Variants in COL26A1 observed in about 807,000 individuals in gnomAD.
The protein encoded by COL26A1 is collagen type XXVI alpha 1 chain, also known as collagen alpha-1(XXVI) chain.
A neutral mutation model predicts 59.3 loss-of-function variants in COL26A1; 41 were observed. The observed-to-expected ratio is 0.69, with a 90% CI of 0.54 to 0.90. The LOEUF (loss-of-function observed/expected upper bound fraction) is 0.90, where lower values mean the gene tolerates loss of function less well. Among genes scored for constraint, COL26A1 ranks in the 40% least tolerant of loss-of-function variants. The pLI, the probability that COL26A1 is intolerant of heterozygous loss-of-function variation, is 0.00. For synonymous variants in COL26A1, 266 were observed against 256.0 expected (o/e 1.04, Z -0.37); for missense variants, 612 against 602.3 (o/e 1.02, Z -0.17).
intron 3 of COL26A1, among the ~76,000 whole-genome samples, chr7:101,481,658 G>A (rs1022884716): frequency 3.3e-5 from 5 of 151,384 alleles, no homozygotes; most frequent in East Asian, 3.9e-4. Flanking sequence ...GCTATGTTGC[G>A]CAGGCTTGAC....
intron 3 of COL26A1, among the ~76,000 whole-genome samples, chr7:101,525,214 C>T (rs1388285455): frequency 8.8e-6 from 1 of 113,662 alleles, no homozygotes; most frequent in Non-Finnish European, 1.6e-5. Flanking sequence ...CAGAGTCTTG[C>T]TCTGTCACCC....
At position 101,423,140 on chromosome 7, in the gene COL26A1, C is replaced by A. The variant is rs575362772; in HGVS notation, c.281+3041C>A. On this transcript the variant is annotated intron_variant, in intron 2 of 12. Transcript: ENST00000313669. ...ATTAGCCAGGTGTGGTGGTGAGCAC[C>A]CGTAATCCCAGTTATTCAGGAGGCT... Among the ~76,000 whole-genome samples the A allele has an allele frequency of 4.6e-5, 7 of 152,128 alleles. No homozygotes were observed. The East Asian group carries it at 1.4e-3, about 30-fold the overall frequency.
intron 1 of COL26A1, among the ~76,000 whole-genome samples, chr7:101,368,288 C>T (rs1791097343): frequency 6.6e-6 from 1 of 152,168 alleles, no homozygotes; most frequent in African/African-American, 2.4e-5. Flanking sequence ...GTGATCATTG[C>T]GTATGTCATT....
chr7:101,452,222 A>C (rs1793356778), intron 3 of COL26A1, among the ~76,000 whole-genome samples: 1 of 152,144 alleles, frequency 6.6e-6, no homozygotes, highest in Non-Finnish European at 1.5e-5. Context: ...CTCTTCTTGC[A>C]GACTGAGTGG....
At chr7:101,466,475 G>A (rs1266932934) in intron 3 of COL26A1, among the ~76,000 whole-genome samples, 1 of 152,098 alleles carries the variant, frequency 6.6e-6, no homozygotes, top group Non-Finnish European at 1.5e-5. Context: ...GCCAAGGCAG[G>A]AGGATTGCTT....
rs59942660 is a variant in COL26A1, at chr7:101,466,795, G to GGTGTGTGTGTGTGT, written c.385+19038_385+19051dup. On this transcript the variant is annotated intron_variant, in intron 3 of 12. Transcript: ENST00000313669. ...GAATGCTAAGACCCCGGCATGTTCT[G>GGTGTGTGTGTGTGT]GTGTGTGTGTGTGTGTGTGTGTGTG... Among the ~76,000 whole-genome samples, 1,046 of 125,166 alleles carry GGTGTGTGTGTGTGT rather than the reference G, an allele frequency of 8.4e-3. 19 individuals are homozygous for GGTGTGTGTGTGTGT. The highest frequency in any genetic ancestry group is 0.058 in the East Asian group (246 of 4,248). The allele number at this position is 125,166 out of a possible 152,430, so 82.1% of individuals were successfully genotyped here. A position where few individuals can be genotyped will look rare whatever the true frequency, so the allele number is the denominator to read the frequency against.
At chr7:101,508,140 T>G (rs1794850549) in intron 3 of COL26A1, among the ~76,000 whole-genome samples, 1 of 152,174 alleles carries the variant, frequency 6.6e-6, no homozygotes. Context: ...ACAAGCTGTT[T>G]GAGGCTCTCC....
intron 3 of COL26A1, among the ~76,000 whole-genome samples, chr7:101,456,340 G>A (rs1200466139): frequency 1.3e-5 from 2 of 151,150 alleles, no homozygotes; most frequent in African/African-American, 4.9e-5. Flanking sequence ...GCCTCCCAAG[G>A]AGCTGGGACT....
At chr7:101,530,173 G>C (rs1000364660) in intron 3 of COL26A1, among the ~76,000 whole-genome samples, 1 of 152,120 alleles carries the variant, frequency 6.6e-6, no homozygotes, top group Non-Finnish European at 1.5e-5. Flanking sequence ...GGGTGGGTGA[G>C]TGAATAGGTG....
chr7:101,429,185 A>G (rs1584399949), intron 2 of COL26A1, among the ~76,000 whole-genome samples: 1 of 151,960 alleles, frequency 6.6e-6, no homozygotes, highest in African/African-American at 2.4e-5. Flanking sequence ...CAGCCTCCCA[A>G]AGTGCTGGGA....
At position 101,363,031 on chromosome 7, in the gene COL26A1, C is replaced by G; in HGVS notation, c.-2C>G. On this transcript the variant is annotated 5_prime_UTR_variant, in exon 1 of 13. Transcript: ENST00000313669. ...CCGGGTCCCCGCGGGCTGCTGCGCACGATGAAGCTGGCCCTGCTCCTGCCC... is the reference window on the plus strand; with the variant it reads ...CCGGGTCCCCGCGGGCTGCTGCGCAGGATGAAGCTGGCCCTGCTCCTGCCC... 3.8e-6 allele frequency: 6 copies of G among 1,575,210 alleles called. No individual in the cohort carries two copies. Among genetic ancestry groups the G allele is most frequent in the Non-Finnish European group, 4.3e-6 (5 of 1,170,164 alleles).
intron 1 of COL26A1, among the ~76,000 whole-genome samples, chr7:101,364,305 C>T (rs1790988643): frequency 6.6e-6 from 1 of 151,938 alleles, no homozygotes; most frequent in Non-Finnish European, 1.5e-5. Flanking sequence ...GAATGCACTA[C>T]CTGTGTCTGT....
intron 3 of COL26A1, among the ~76,000 whole-genome samples, chr7:101,509,213 G>T (rs1794871615): frequency 2.0e-5 from 3 of 152,140 alleles, no homozygotes; most frequent in Non-Finnish European, 4.4e-5. Flanking sequence ...GGGAGGCCGA[G>T]GTGGGCGGAT....
Position 101,363,209 on chromosome 7 carries a change from A to T in COL26A1, c.158+19A>T. On this transcript the variant is annotated intron_variant, in intron 1 of 12. Transcript: ENST00000313669. ...GCCGCCGGTGAGTAGCTCGGGGCCG[A>T]GGGGCCGGGGGGTGGGGGGAGGGAG... The T allele has an allele frequency of 6.0e-5, 36 of 603,852 alleles. No individual in the cohort carries two copies. Among genetic ancestry groups the T allele is most frequent in the Non-Finnish European group, 7.4e-5 (34 of 456,984 alleles). The allele number at this position is 603,852 out of a possible 1,614,324, so 37.4% of individuals were successfully genotyped here.
In COL26A1 at chr7:101,397,886, G is replaced by A. The variant is rs117170378; in HGVS notation, c.159-22091G>A. ...CAGCTTGATGAGTTTCTACTTATGT[G>A]TATGCTCATGTAAACCACCATTCAG... On this transcript the variant is annotated intron_variant, in intron 1 of 12. Coordinates refer to ENST00000313669, the MANE Select transcript of COL26A1 (RefSeq NM_001278563.3). Among the ~76,000 whole-genome samples the A allele has an allele frequency of 2.5e-3, 378 of 152,220 alleles. 2 individuals are homozygous for A. The highest frequency in any genetic ancestry group is 5.2e-3 in the Admixed American group (80 of 15,284).
At chr7:101,452,568 G>C in intron 3 of COL26A1, among the ~76,000 whole-genome samples, 1 of 152,126 alleles carries the variant, frequency 6.6e-6, no homozygotes. Flanking sequence ...ACCAAAGGAT[G>C]TACTTACAGA....
chr7:101,471,571 G>GTTTTTTTTTTTTTTTTTTT (rs71517177), intron 3 of COL26A1, among the ~76,000 whole-genome samples: 1 of 92,968 alleles, frequency 1.1e-5, no homozygotes, highest in Non-Finnish European at 2.2e-5. Context: ...GTTGTTGTTT[G>GTTTTTTTTTTTTTTTTTTT]TTTTTTTTTT....
At chr7:101,493,963 T>C (rs1584460644) in intron 3 of COL26A1, among the ~76,000 whole-genome samples, 1 of 146,986 alleles carries the variant, frequency 6.8e-6, no homozygotes, top group Non-Finnish European at 1.5e-5. Flanking sequence ...GAATGATGAG[T>C]GTGTTTCTTT....
intron 3 of COL26A1, among the ~76,000 whole-genome samples, chr7:101,459,080 C>G (rs1793546789): frequency 6.6e-6 from 1 of 151,506 alleles, no homozygotes; most frequent in Non-Finnish European, 1.5e-5. Flanking sequence ...TTCCGAAGTG[C>G]TGGGATTACA....
Sources: gnomAD v4.1 joint callset for allele counts (sites outside exome capture counted in the v4.1 genomes callset) on GRCh38, gnomAD v4.1.1 for gene constraint, MANE v1.5 for transcripts, NCBI Gene and HGNC (gene_info 2026-07-23, HGNC 2026-07-21) for gene names.